MPZL1: variants seen among roughly 807,000 people sequenced by gnomAD.
MPZL1 encodes myelin protein zero like 1.
In MPZL1, 16 loss-of-function variants were observed where a neutral mutation model predicts 29.3. The ratio of observed to expected loss-of-function variants is 0.55; its 90% CI spans 0.37 to 0.83. The LOEUF is 0.83. Among genes scored for constraint, MPZL1 ranks in the 40% least tolerant of loss-of-function variants. The pLI, the probability that MPZL1 is intolerant of heterozygous loss-of-function variation, is 0.00. For synonymous variants in MPZL1, 143 were observed against 132.0 expected, an observed-to-expected ratio of 1.08 and a Z score of -0.57; for missense variants, 279 against 332.9, an observed-to-expected ratio of 0.84 and a Z score of 1.26.
At chr1:167,774,797 T>G (rs1208918085) in intron 4 of MPZL1, 1 of 152,240 alleles carries the variant, frequency 6.6e-6, no homozygotes. Flanking sequence ...AGAAGACACA[T>G]TGGGACTATA....
intron 1 of MPZL1, among the ~76,000 whole-genome samples, chr1:167,757,138 G>A (rs74120656): frequency 1.4e-3 from 211 of 152,280 alleles, no homozygotes; most frequent in African/African-American, 4.5e-3. Context: ...TGATTCGCGG[G>A]AGGAAAGAGC....
At chr1:167,758,980 A>G (rs1660926084) in intron 1 of MPZL1, among the ~76,000 whole-genome samples, 1 of 152,180 alleles carries the variant, frequency 6.6e-6, no homozygotes, top group Non-Finnish European at 1.5e-5. Flanking sequence ...AGGATATGAA[A>G]ATGTTTGTAT....
chr1:167,788,233 A>G lies in MPZL1; in HGVS notation c.*312A>G, dbSNP rs1490864397. 4 of 272,158 alleles carry G rather than the reference A, an allele frequency of 1.5e-5. No individual in the cohort carries two copies. Among genetic ancestry groups the G allele is most frequent in the African/African-American group, 6.6e-5 (3 of 45,314 alleles). 16.9% of individuals were successfully genotyped at this position (272,158 alleles called of 1,614,324 possible). ...AGATTTCAGAAACATTCCTTTCACC[A>G]TCATTTAGAAATGGTTTGCCTTAAT... On this transcript the variant is annotated 3_prime_UTR_variant, in exon 6 of 6. Coordinates refer to ENST00000359523, the MANE Select transcript of MPZL1 (RefSeq NM_003953.6).
intron 5 of MPZL1, among the ~76,000 whole-genome samples, chr1:167,784,708 C>T (rs532318151): frequency 1.6e-3 from 251 of 152,308 alleles, no homozygotes; most frequent in African/African-American, 5.8e-3. Context: ...TCTCTGCATC[C>T]TTTCTTTCAT....
intron 5 of MPZL1, among the ~76,000 whole-genome samples, chr1:167,778,151 T>G (rs542251051): frequency 4.6e-5 from 7 of 151,940 alleles, no homozygotes; most frequent in Non-Finnish European, 1.0e-4. Context: ...TGAAACCCTA[T>G]CTCTACTAAA....
chr1:167,723,677 G>C (rs757686634), intron 1 of MPZL1, among the ~76,000 whole-genome samples: 1 of 152,164 alleles, frequency 6.6e-6, no homozygotes, highest in African/African-American at 2.4e-5. Context: ...AACGTAGAAG[G>C]AGTGCAAAAC....
chr1:167,741,168 C>T (rs539224435), intron 1 of MPZL1, among the ~76,000 whole-genome samples: 5 of 151,670 alleles, frequency 3.3e-5, no homozygotes, highest in African/African-American at 1.2e-4. Flanking sequence ...AGGCATGTGC[C>T]ACCACGCCTG....
intron 1 of MPZL1, among the ~76,000 whole-genome samples, chr1:167,764,096 T>C (rs1661057095): frequency 6.6e-6 from 1 of 152,250 alleles, no homozygotes. Flanking sequence ...CTAAGAATTA[T>C]TGCAACACTG....
intron 5 of MPZL1, among the ~76,000 whole-genome samples, chr1:167,780,009 T>C (rs1661461669): frequency 6.6e-6 from 1 of 152,186 alleles, no homozygotes; most frequent in Non-Finnish European, 1.5e-5. Flanking sequence ...AAAGAAGACA[T>C]AATCCTAAAT....
At chr1:167,723,088 A>G (rs927759276) in intron 1 of MPZL1, among the ~76,000 whole-genome samples, 5 of 152,252 alleles carry the variant, frequency 3.3e-5, no homozygotes, top group African/African-American at 1.2e-4. Flanking sequence ...CTGAAGTGGT[A>G]TCTGCCACAG....
intron 1 of MPZL1, among the ~76,000 whole-genome samples, chr1:167,755,613 A>T (rs12039424): frequency 1.1e-4 from 17 of 152,046 alleles, no homozygotes; most frequent in African/African-American, 4.1e-4. Context: ...AGAACCAAGA[A>T]ATGTTTGGAT....
intron 1 of MPZL1, among the ~76,000 whole-genome samples, chr1:167,734,650 G>A (rs1660341148): frequency 6.6e-6 from 1 of 152,106 alleles, no homozygotes. Flanking sequence ...ACCTTTAGGA[G>A]CCTCCTGAGA....
chr1:167,760,009 C>T (rs924566363), intron 1 of MPZL1, among the ~76,000 whole-genome samples: 1 of 151,920 alleles, frequency 6.6e-6, no homozygotes, highest in Admixed American at 6.6e-5. Flanking sequence ...TATGATCCAA[C>T]CTGAATTTTA....
At chr1:167,757,699 G>A (rs1660895398) in intron 1 of MPZL1, among the ~76,000 whole-genome samples, 1 of 152,210 alleles carries the variant, frequency 6.6e-6, no homozygotes, top group African/African-American at 2.4e-5. Context: ...TACCAACAAA[G>A]AACAAGAGAT....
chr1:167,759,763 G>C (rs1660942762), intron 1 of MPZL1, among the ~76,000 whole-genome samples: 2 of 152,146 alleles, frequency 1.3e-5, no homozygotes, highest in Non-Finnish European at 2.9e-5. Context: ...GTGATTTCCT[G>C]GGATACCTTT....
Position 167,746,794 on chromosome 1 carries a change from C to A in MPZL1, c.92-18789C>A, listed in dbSNP as rs563858163. Among the ~76,000 whole-genome samples, 16 of 152,296 alleles carry A rather than the reference C, an allele frequency of 1.1e-4. No homozygotes were observed. The East Asian group carries it at 3.1e-3, about 29-fold the overall frequency. On this transcript the variant is annotated intron_variant, in intron 1 of 5. Coordinates refer to ENST00000359523, the MANE Select transcript of MPZL1 (RefSeq NM_003953.6). ...GGCTTTTTCCTAAGGGCTATATATT[C>A]TTAAATTAAAGGTGATTTATCATTC...
At chr1:167,754,072 G>T (rs563122647) in intron 1 of MPZL1, among the ~76,000 whole-genome samples, 1 of 151,684 alleles carries the variant, frequency 6.6e-6, no homozygotes, top group African/African-American at 2.4e-5. Context: ...ATCTCCGTTC[G>T]CTGCAACCTC....
At chr1:167,742,839 T>C (rs1445761439) in intron 1 of MPZL1, among the ~76,000 whole-genome samples, 1 of 152,124 alleles carries the variant, frequency 6.6e-6, no homozygotes, top group Non-Finnish European at 1.5e-5. Flanking sequence ...TCCAGTTTCA[T>C]TCTCCTACAT....
chr1:167,772,555 T>A, intron 3 of MPZL1, 67 bp downstream of exon 3: 2 of 1,423,998 alleles, frequency 1.4e-6, no homozygotes, highest in Non-Finnish European at 1.9e-6. Flanking sequence ...TTGGAAAACA[T>A]GAGTTGCATT....
Sources: allele counts gnomAD v4.1 joint callset (sites outside exome capture counted in the v4.1 genomes callset), GRCh38; gene constraint gnomAD v4.1.1; transcripts MANE v1.5; gene names NCBI Gene and HGNC (gene_info 2026-07-23, HGNC 2026-07-21).